Variants in YTHDF3 observed in about 807,000 individuals in gnomAD.
YTHDF3 encodes the protein YTH domain-containing family protein 3.
Under a neutral mutation model 52.5 loss-of-function variants are expected in YTHDF3, and 9 were observed. That is an observed-to-expected ratio of 0.17 (90% confidence interval 0.10 to 0.30). The LOEUF (loss-of-function observed/expected upper bound fraction) is 0.30, where lower values mean the gene tolerates loss of function less well. Ranked by LOEUF, YTHDF3 falls within the 10% of genes least tolerant of loss-of-function variation. YTHDF3 has a pLI of 1.00. For synonymous variants in YTHDF3, 274 were observed against 243.3 expected, an observed-to-expected ratio of 1.13 and a Z score of -1.18; for missense variants, 534 against 715.0, an observed-to-expected ratio of 0.75 and a Z score of 2.89.
chr8:63,207,370 G>T (rs1485296894), intron 4 of YTHDF3, among the ~76,000 whole-genome samples: 1 of 151,950 alleles, frequency 6.6e-6, no homozygotes, highest in Non-Finnish European at 1.5e-5. Context: ...TCCTTTGCCG[G>T]TATCTGGTGG....
chr8:63,200,407 TTC>T (rs1191804983), intron 4 of YTHDF3, among the ~76,000 whole-genome samples: 1 of 152,062 alleles, frequency 6.6e-6, no homozygotes, highest in Non-Finnish European at 1.5e-5. Context: ...ATTTTTAAAT[TTC>T]TTTTTCTTTT....
intron 4 of YTHDF3, among the ~76,000 whole-genome samples, chr8:63,196,333 G>A (rs947760824): frequency 2.0e-5 from 3 of 151,750 alleles, no homozygotes; most frequent in Admixed American, 6.6e-5. Flanking sequence ...AGGCTGAGGC[G>A]GGAGGATCAC....
At position 63,191,158 on chromosome 8, in the gene YTHDF3, G is replaced by A. The variant is rs551981839; in HGVS notation, c.1734+3413G>A. Among the ~76,000 whole-genome samples the A allele has an allele frequency of 7.4e-4, 112 of 152,212 alleles. 4 individuals are homozygous for A. The South Asian group carries it at 0.023, about 31-fold the overall frequency. ...TTGTAAATAGCTGTTTTTTTGGTGTGTGCACAAAAGATTTTTCTTTATTTT... is the reference window on the plus strand; with the variant it reads ...TTGTAAATAGCTGTTTTTTTGGTGTATGCACAAAAGATTTTTCTTTATTTT... On this transcript the variant is annotated intron_variant, in intron 4 of 4. Coordinates refer to ENST00000539294, the MANE Select transcript of YTHDF3 (RefSeq NM_152758.6).
In YTHDF3 at chr8:63,187,197, G is replaced by A. The variant is rs777992273; in HGVS notation, c.1186G>A (p.Glu396Lys). 3 of 1,613,992 alleles carry A rather than the reference G, an allele frequency of 1.9e-6. No homozygotes were observed. In the South Asian group the frequency reaches 3.3e-5, roughly 18 times the overall value. The change falls in exon 4 of 5, where the codon GAA (glutamate) becomes AAA (lysine). Residue 396 changes from glutamate to lysine, a missense_variant. Coordinates refer to ENST00000539294, the MANE Select transcript of YTHDF3 (RefSeq NM_152758.6). ...TAGTGTAGAAGTGCATCCCGTGCTG[G>A]AAAAGCTAAAGGCCATAAACAACTA... Reference protein sequence around the residue: ...PSSVEVHPVLEKLKAINNYNP... With the variant: ...PSSVEVHPVLKKLKAINNYNP...
chr8:63,212,011 A>G lies in YTHDF3; in HGVS notation c.*2305A>G, dbSNP rs957952467. On this transcript the variant is annotated 3_prime_UTR_variant, in exon 5 of 5. Transcript: ENST00000539294. ...AATTATCACAGGTTGTCTCAAGCAC[A>G]ACCAACTGAATGTCTCTTAACTGTG... 3.9e-5 allele frequency: 6 copies of G among 152,576 alleles called. No individual in the cohort carries two copies. The highest frequency in any genetic ancestry group is 5.9e-5 in the Non-Finnish European group (4 of 68,010). 9.5% of individuals were successfully genotyped at this position (152,576 alleles called of 1,614,324 possible).
rs762105651 is a variant in YTHDF3, at chr8:63,187,514, T to C, written c.1503T>C (p.Phe501=). 1.9e-6 allele frequency: 3 copies of C among 1,614,004 alleles called. No individual in the cohort carries two copies. In the East Asian group the frequency reaches 6.7e-5, roughly 36 times the overall value. The part of the protein sequence containing the change: ...VWSQDKWKGK[F]EVKWIFVKDV... ...CTCAGGATAAGTGGAAGGGCAAATTTGAAGTTAAATGGATCTTTGTCAAAG... is the reference window on the plus strand; with the variant it reads ...CTCAGGATAAGTGGAAGGGCAAATTCGAAGTTAAATGGATCTTTGTCAAAG... The change falls in exon 4 of 5, where the codon TTT becomes TTC. Residue 501 remains phenylalanine, a synonymous_variant. Coordinates refer to ENST00000539294, the MANE Select transcript of YTHDF3 (RefSeq NM_152758.6).
chr8:63,168,992 C>T, intron 1 of YTHDF3, 91 bp downstream of exon 1: 1 of 1,508,956 alleles, frequency 6.6e-7, no homozygotes, highest in Non-Finnish European at 8.8e-7. Flanking sequence ...GTCGCCGCCG[C>T]TGCCGGCCCC....
intron 2 of YTHDF3, 139 bp from the exon 3 acceptor site, chr8:63,175,192 C>T (rs1807603439): frequency 1.6e-6 from 1 of 606,518 alleles, no homozygotes; most frequent in Non-Finnish European, 2.9e-6. Flanking sequence ...ATAGTTTATC[C>T]TTAAGAGGGT....
chr8:63,196,092 C>T (rs1809220006), intron 4 of YTHDF3, among the ~76,000 whole-genome samples: 1 of 151,938 alleles, frequency 6.6e-6, no homozygotes, highest in Admixed American at 6.6e-5. Flanking sequence ...CACACCTGGC[C>T]TTTAGAAAAA....
rs1810382705 is a variant in YTHDF3, at chr8:63,211,781, T to C, written c.*2075T>C. On this transcript the variant is annotated 3_prime_UTR_variant, in exon 5 of 5. Transcript: ENST00000539294. The stretch of plus-strand genomic sequence containing the variant: ...GCGAATAAATGTAATTGAGAGTCTA[T>C]TCATGGTGAGGAGTACATCCCAGTG... 1 of 152,604 alleles carries C rather than the reference T, an allele frequency of 6.6e-6. No homozygotes were observed. The highest frequency in any genetic ancestry group is 1.5e-5 in the Non-Finnish European group (1 of 68,018). 9.5% of individuals were successfully genotyped at this position (152,604 alleles called of 1,614,324 possible). A position where few individuals can be genotyped will look rare whatever the true frequency, so the allele number is the denominator to read the frequency against.
intron 2 of YTHDF3, chr8:63,172,800 T>G: frequency 8.1e-7 from 1 of 1,231,548 alleles, no homozygotes. Context: ...AAGAATCATG[T>G]AAGTCATCTG....
At chr8:63,172,988 C>G (rs1164942434) in intron 2 of YTHDF3, among the ~76,000 whole-genome samples, 1 of 151,724 alleles carries the variant, frequency 6.6e-6, no homozygotes, top group Non-Finnish European at 1.5e-5. Flanking sequence ...TAGTTTAATG[C>G]AAATTGCTTC....
rs1810381565 is a variant in YTHDF3 at position 63,211,768 on chromosome 8, A to G, written c.*2062A>G. On this transcript the variant is annotated 3_prime_UTR_variant, in exon 5 of 5. Transcript: ENST00000539294. ...TAGACTCAGACATGCGAATAAATGT[A>G]ATTGAGAGTCTATTCATGGTGAGGA... 1 of 152,608 alleles carries G rather than the reference A, an allele frequency of 6.6e-6. No individual in the cohort carries two copies. 9.5% of individuals were successfully genotyped at this position (152,608 alleles called of 1,614,324 possible). A position where few individuals can be genotyped will look rare whatever the true frequency, so the allele number is the denominator to read the frequency against.
intron 4 of YTHDF3, chr8:63,188,842 T>G (rs959707157): frequency 6.7e-6 from 1 of 149,648 alleles, no homozygotes; most frequent in Admixed American, 6.7e-5. Context: ...GCCTCCCGAG[T>G]AGCTGGGATT....
At chr8:63,198,003 T>C (rs888878835) in intron 4 of YTHDF3, among the ~76,000 whole-genome samples, 2 of 152,228 alleles carry the variant, frequency 1.3e-5, no homozygotes, top group African/African-American at 4.8e-5. Flanking sequence ...GTTGCTTTTT[T>C]AATTCCACAT....
chr8:63,181,136 G>T (rs1808106053), intron 3 of YTHDF3, among the ~76,000 whole-genome samples: 1 of 152,196 alleles, frequency 6.6e-6, no homozygotes, highest in Non-Finnish European at 1.5e-5. Flanking sequence ...AACTGAAGTT[G>T]AGTTTGTCTG....
In YTHDF3 at chr8:63,191,597, T is replaced by C. The variant is rs1278329457; in HGVS notation, c.1734+3852T>C. 3.3e-5 allele frequency among the ~76,000 whole-genome samples: 5 copies of C among 152,238 alleles called. No homozygotes were observed. The East Asian group carries it at 5.8e-4, about 18-fold the overall frequency. On this transcript the variant is annotated intron_variant, in intron 4 of 4. Coordinates refer to ENST00000539294, the MANE Select transcript of YTHDF3 (RefSeq NM_152758.6). The stretch of plus-strand genomic sequence containing the variant: ...ATGTTTTTAGAAACTTTATATCTTT[T>C]TTCTTCTAAAAAAAATTAAATATAA...
At chr8:63,180,021 G>T (rs2130029567) in intron 3 of YTHDF3, among the ~76,000 whole-genome samples, 1 of 151,112 alleles carries the variant, frequency 6.6e-6, no homozygotes, top group African/African-American at 2.4e-5. Context: ...CCGGGCGGGG[G>T]GCTGATCCCC....
intron 3 of YTHDF3, among the ~76,000 whole-genome samples, chr8:63,183,925 C>T (rs1286411435): frequency 1.3e-5 from 2 of 152,130 alleles, no homozygotes; most frequent in South Asian, 2.1e-4. Context: ...TGTATGTAAC[C>T]TATGCACATC....
Sources: allele counts gnomAD v4.1 joint callset (sites outside exome capture counted in the v4.1 genomes callset), GRCh38; gene constraint gnomAD v4.1.1; transcripts MANE v1.5; gene names NCBI Gene and HGNC (gene_info 2026-07-23, HGNC 2026-07-21).